ARHGAP15: variants seen among roughly 807,000 people sequenced by gnomAD.
ARHGAP15 encodes the protein rho GTPase-activating protein 15.
Under a neutral mutation model 63.7 loss-of-function variants are expected in ARHGAP15, and 51 were observed. The observed-to-expected ratio is 0.80, with a 90% CI of 0.64 to 1.01. The LOEUF (loss-of-function observed/expected upper bound fraction) is 1.01, where lower values mean the gene tolerates loss of function less well. Ranked by LOEUF, ARHGAP15 falls within the 50% of genes least tolerant of loss-of-function variation. ARHGAP15 has a pLI of 0.00. For synonymous variants in ARHGAP15, 191 were observed against 193.8 expected, an observed-to-expected ratio of 0.99 and a Z score of 0.12; for missense variants, 560 against 564.6, an observed-to-expected ratio of 0.99 and a Z score of 0.08.
chr2:143,387,308 A>C (rs1289275522), intron 6 of ARHGAP15, among the ~76,000 whole-genome samples: 1 of 152,190 alleles, frequency 6.6e-6, no homozygotes, highest in African/African-American at 2.4e-5. Flanking sequence ...ATGTCCTGAT[A>C]CCACTGATAA....
rs535910161 is a variant in ARHGAP15 at position 143,318,509 on chromosome 2, C to CTTTTTT, written c.474+67930_474+67935dup. On this transcript the variant is annotated intron_variant, in intron 6 of 13. Transcript: ENST00000295095. ...ATCACTTCACTTCCAGATTAAGGGC[C>CTTTTTT]TTTTTTTTTTTTTTTTTTTTTTTTT... 2.3e-4 allele frequency among the ~76,000 whole-genome samples: 13 copies of CTTTTTT among 55,634 alleles called. 1 individual carries two copies. The highest frequency in any genetic ancestry group is 7.5e-4 in the African/African-American group (11 of 14,620). The allele number at this position is 55,634 out of a possible 152,430, so 36.5% of individuals were successfully genotyped here.
intron 2 of ARHGAP15, chr2:143,161,967 C>G (rs894885301): frequency 6.6e-6 from 1 of 151,820 alleles, no homozygotes; most frequent in Admixed American, 6.6e-5. Flanking sequence ...CAATAACAAA[C>G]CATGGAATGA....
At chr2:143,606,029 CTG>C (rs1448211549) in intron 11 of ARHGAP15, among the ~76,000 whole-genome samples, 1 of 68,216 alleles carries the variant, frequency 1.5e-5, no homozygotes, top group African/African-American at 5.8e-5. Flanking sequence ...GAGCAAGACT[CTG>C]TCTCAAAAAA....
intron 13 of ARHGAP15, chr2:143,766,651 C>CT (rs1686954706): frequency 6.6e-6 from 1 of 152,106 alleles, no homozygotes; most frequent in African/African-American, 2.4e-5. Flanking sequence ...TAAATTTGTG[C>CT]TAGTTTTGCT....
At chr2:143,588,470 T>C (rs562350124) in intron 11 of ARHGAP15, among the ~76,000 whole-genome samples, 8 of 152,290 alleles carry the variant, frequency 5.3e-5, no homozygotes, top group African/African-American at 1.9e-4. Flanking sequence ...ACCTGTCCTC[T>C]AAGTTCCCTC....
chr2:143,746,529 C>T (rs1457541198), intron 13 of ARHGAP15, among the ~76,000 whole-genome samples: 1 of 152,158 alleles, frequency 6.6e-6, no homozygotes, highest in Non-Finnish European at 1.5e-5. Context: ...CAGACAGTCC[C>T]TTTTGGGTGA....
At chr2:143,616,977 A>C (rs1698475005) in intron 11 of ARHGAP15, among the ~76,000 whole-genome samples, 1 of 152,130 alleles carries the variant, frequency 6.6e-6, no homozygotes, top group African/African-American at 2.4e-5. Context: ...CAATATTTCC[A>C]CTTTAGACAT....
At chr2:143,426,267 T>C (rs1325412526) in intron 6 of ARHGAP15, among the ~76,000 whole-genome samples, 1 of 152,190 alleles carries the variant, frequency 6.6e-6, no homozygotes, top group Non-Finnish European at 1.5e-5. Flanking sequence ...TTGCACCTCT[T>C]AAATATAATG....
intron 6 of ARHGAP15, among the ~76,000 whole-genome samples, chr2:143,338,068 A>G (rs1391813808): frequency 6.6e-6 from 1 of 152,140 alleles, no homozygotes; most frequent in Non-Finnish European, 1.5e-5. Flanking sequence ...GCATTAATCT[A>G]ACTCTTATAT....
chr2:143,447,615 G>GC (rs1474266210), intron 8 of ARHGAP15, among the ~76,000 whole-genome samples: 1 of 152,188 alleles, frequency 6.6e-6, no homozygotes, highest in Non-Finnish European at 1.5e-5. Flanking sequence ...GGAGGTATAA[G>GC]CCAAGACCTT....
intron 13 of ARHGAP15, among the ~76,000 whole-genome samples, chr2:143,765,147 G>GTGTGT (rs1559166655): frequency 2.0e-5 from 3 of 146,792 alleles, no homozygotes; most frequent in Admixed American, 6.8e-5. Context: ...GTGTGTGTGT[G>GTGTGT]GTAAAATTAA....
intron 2 of ARHGAP15, among the ~76,000 whole-genome samples, chr2:143,170,681 A>G (rs1690739718): frequency 6.6e-6 from 1 of 151,942 alleles, no homozygotes. Context: ...GCCAACTAAA[A>G]CTCAACCCCC....
At chr2:143,605,338 G>A (rs539073531) in intron 11 of ARHGAP15, among the ~76,000 whole-genome samples, 8 of 152,276 alleles carry the variant, frequency 5.3e-5, no homozygotes, top group African/African-American at 4.8e-5. Flanking sequence ...GTCCACCTCA[G>A]CGCCATAGCT....
At chr2:143,551,004 T>C (rs1176414052) in intron 10 of ARHGAP15, among the ~76,000 whole-genome samples, 2 of 152,128 alleles carry the variant, frequency 1.3e-5, no homozygotes, top group Non-Finnish European at 2.9e-5. Context: ...ATTAACTCAA[T>C]GAAGAGAAAG....
At chr2:143,155,780 A>G (rs1690053259) in intron 2 of ARHGAP15, 125 bp downstream of exon 2, 1 of 959,988 alleles carries the variant, frequency 1.0e-6, no homozygotes, top group Non-Finnish European at 1.5e-6. Flanking sequence ...TGTTTTTGTA[A>G]TGCATTTTAT....
At chr2:143,446,054 G>A (rs916031941) in intron 8 of ARHGAP15, among the ~76,000 whole-genome samples, 2 of 151,490 alleles carry the variant, frequency 1.3e-5, no homozygotes, top group African/African-American at 4.8e-5. Context: ...CAGAAAATTT[G>A]AGTACAGTTC....
At chr2:143,558,717 AT>A (rs1695906499) in intron 11 of ARHGAP15, among the ~76,000 whole-genome samples, 1 of 152,188 alleles carries the variant, frequency 6.6e-6, no homozygotes, top group Admixed American at 6.5e-5. Flanking sequence ...TTTAATTAAT[AT>A]TTGTTGAACA....
At chr2:143,497,518 G>C (rs974400564) in intron 9 of ARHGAP15, among the ~76,000 whole-genome samples, 1 of 152,168 alleles carries the variant, frequency 6.6e-6, no homozygotes, top group Non-Finnish European at 1.5e-5. Context: ...GTACCGCATA[G>C]TTCCCTCCTG....
intron 5 of ARHGAP15, among the ~76,000 whole-genome samples, chr2:143,250,033 C>G (rs1165026032): frequency 6.6e-6 from 1 of 152,140 alleles, no homozygotes; most frequent in South Asian, 2.1e-4. Flanking sequence ...TAGTCAGATT[C>G]TAAGCAACTC....
Sources: gnomAD v4.1 joint callset for allele counts (sites outside exome capture counted in the v4.1 genomes callset) on GRCh38, gnomAD v4.1.1 for gene constraint, MANE v1.5 for transcripts, NCBI Gene and HGNC (gene_info 2026-07-23, HGNC 2026-07-21) for gene names.